Variants in DNAH5 observed in about 807,000 individuals in gnomAD.
DNAH5 encodes axonemal beta dynein heavy chain 5.
In DNAH5, 372 loss-of-function variants were observed where a neutral mutation model predicts 518.2. That is an observed-to-expected ratio of 0.72 (90% CI 0.66 to 0.78). The LOEUF (loss-of-function observed/expected upper bound fraction) is 0.78. Ranked by LOEUF, DNAH5 falls within the 30% of genes least tolerant of loss-of-function variation. The probability of loss-of-function intolerance (pLI) is 0.00; values close to 1 mark genes in which losing one functional copy is unlikely to be tolerated. For missense variants in DNAH5, 5,523 were observed against 5,687.0 expected (o/e 0.97, Z 0.93); for synonymous variants, 2,039 against 2,025.9 (o/e 1.01, Z -0.17).
intron 65 of DNAH5, among the ~76,000 whole-genome samples, chr5:13,739,849 T>A (rs1441365415): frequency 6.6e-6 from 1 of 152,142 alleles, no homozygotes; most frequent in Non-Finnish European, 1.5e-5. Context: ...CTTATCCCCA[T>A]ACTACTCCAT....
intron 47 of DNAH5, among the ~76,000 whole-genome samples, chr5:13,800,417 C>G (rs1032817184): frequency 2.0e-5 from 3 of 152,124 alleles, no homozygotes; most frequent in African/African-American, 7.2e-5. Context: ...AAGTCTGCAC[C>G]CCTTTGGGGT....
At position 13,830,654 on chromosome 5, in the gene DNAH5, C is replaced by T. The variant is rs148279547; in HGVS notation, c.6004G>A (p.Val2002Met). The T allele has an allele frequency of 1.5e-5, 24 of 1,614,088 alleles. No individual in the cohort carries two copies. The highest frequency in any genetic ancestry group is 2.2e-5 in the South Asian group (2 of 91,094). The change falls in exon 36 of 79, where the codon GTG becomes ATG. Residue 2002 changes from valine (V) to methionine (M), a missense_variant. By Grantham distance (21) the Val-to-Met change is conservative. Coordinates refer to ENST00000265104, the MANE Select transcript of DNAH5 (RefSeq NM_001369.3). ...DMGRCLGKYV[V>M]VFNCSDQMDF... is the part of the protein sequence containing the mutation. Reference sequence around the variant, plus strand: ...ATCTGGTCTGAACAATTGAAAACCACGACGTATTTCCCGAGGCATCGTCCC... The same window carrying T: ...ATCTGGTCTGAACAATTGAAAACCATGACGTATTTCCCGAGGCATCGTCCC...
At chr5:13,950,431 C>T (rs1258610454) in intron 1 of DNAH5, among the ~76,000 whole-genome samples, 3 of 152,140 alleles carry the variant, frequency 2.0e-5, no homozygotes, top group Non-Finnish European at 4.4e-5. Context: ...CATGCGCCAC[C>T]ACGCCTGGCT....
rs1763374034 is a variant in DNAH5 at position 13,829,657 on chromosome 5, A to T, written c.6297T>A (p.Ile2099=). 3 of 1,614,240 alleles carry T rather than the reference A, an allele frequency of 1.9e-6. No homozygotes were observed. Residue 2099 remains isoleucine, a synonymous_variant, in exon 38 of 79, where the codon ATT becomes ATA. Transcript: ENST00000265104. ...GRQELPENLK[I]NFRSVAMMVP... The stretch of plus-strand genomic sequence containing the variant: ...CCATCATGGCCACTGAGCGGAAATT[A>T]ATCTTCAAGTTTTCAGGGAGTTCCT...
chr5:13,770,744 C>A lies in DNAH5; in HGVS notation c.9605+5G>T, dbSNP rs753220943. The stretch of plus-strand genomic sequence containing the variant: ...TATAGCTTTGTATAAGAACATCACA[C>A]TTACCTGTTGGCCAGGGTCCGCACC... On this transcript the variant is annotated splice_donor_5th_base_variant and intron_variant, in intron 56 of 78. Transcript: ENST00000265104. 31 of 1,612,172 alleles carry A rather than the reference C, an allele frequency of 1.9e-5. No individual in the cohort carries two copies. In the South Asian group the frequency reaches 3.2e-4, roughly 17 times the overall value.
chr5:13,912,482 C>T (rs1776120538), intron 11 of DNAH5, among the ~76,000 whole-genome samples: 1 of 149,396 alleles, frequency 6.7e-6, no homozygotes, highest in Non-Finnish European at 1.5e-5. Flanking sequence ...AAAATATATA[C>T]ACACACACAC....
At chr5:13,836,147 G>C (rs1764367327) in intron 35 of DNAH5, among the ~76,000 whole-genome samples, 1 of 152,200 alleles carries the variant, frequency 6.6e-6, no homozygotes, top group South Asian at 2.1e-4. Context: ...CCAGCATTCT[G>C]ATAAAATGGA....
At chr5:13,798,883 C>T (rs761837636) in intron 47 of DNAH5, among the ~76,000 whole-genome samples, 19 of 151,990 alleles carry the variant, frequency 1.3e-4, no homozygotes, top group Admixed American at 2.6e-4. Flanking sequence ...TCTCCTGCCT[C>T]AGCCTCCCAG....
chr5:13,886,573 A>G (rs1393384316), intron 17 of DNAH5, among the ~76,000 whole-genome samples: 1 of 152,236 alleles, frequency 6.6e-6, no homozygotes, highest in Non-Finnish European at 1.5e-5. Flanking sequence ...TTTAATAAAT[A>G]TAAACTAACA....
chr5:13,798,042 T>A (rs1210625028), intron 47 of DNAH5, among the ~76,000 whole-genome samples: 1 of 57,078 alleles, frequency 1.8e-5, no homozygotes, highest in South Asian at 6.7e-4. Flanking sequence ...CATCACACAC[T>A]GGGGCCTGTC....
At chr5:13,911,615 C>T in intron 11 of DNAH5, 122 bp from the exon 12 acceptor site, 1 of 818,198 alleles carries the variant, frequency 1.2e-6, no homozygotes, top group South Asian at 1.7e-5. Context: ...TTAAAGGAAG[C>T]CTTATTTTTT....
chr5:13,830,189 C>T lies in DNAH5; in HGVS notation c.6086G>A (p.Gly2029Asp). 1 of 1,613,768 alleles carries T rather than the reference C, an allele frequency of 6.2e-7. No individual in the cohort carries two copies. ...AATACGGTTAAATTCATCAAAACAA[C>T]CCCAGGATCCAGACTGTGCCAGTCC... ...FKGLAQSGSWGCFDEFNRIDL... is the reference protein window; with the variant it reads ...FKGLAQSGSWDCFDEFNRIDL... The change falls in exon 37 of 79, where the codon GGT (glycine) becomes GAT (aspartate). Residue 2029 changes from glycine to aspartate, a missense_variant. Coordinates refer to ENST00000265104, the MANE Select transcript of DNAH5 (RefSeq NM_001369.3).
In DNAH5 at chr5:13,850,427, C is replaced by T. The variant is rs795529; in HGVS notation, c.5114+225G>A. On this transcript the variant is annotated intron_variant, in intron 31 of 78. Coordinates refer to ENST00000265104, the MANE Select transcript of DNAH5 (RefSeq NM_001369.3). The stretch of plus-strand genomic sequence containing the variant: ...TGAGGATGTTTATACAGTCTTATCC[C>T]AGTGATGGAAGCAACCTTAAGTCCT... Among the ~76,000 whole-genome samples, 9,343 of 152,212 alleles carry T rather than the reference C, an allele frequency of 0.061. 306 individuals carry two copies. The highest frequency in any genetic ancestry group is 0.078 in the African/African-American group (3,234 of 41,520).
chr5:13,868,052 C>T (rs963467096), intron 24 of DNAH5, 60 bp from the exon 25 acceptor site: 3 of 1,196,554 alleles, frequency 2.5e-6, no homozygotes, highest in African/African-American at 3.0e-5. Context: ...CTACACACAG[C>T]CATTTATTAA....
rs1277062588 is a variant in DNAH5 at position 13,757,500 on chromosome 5, C to CT, written c.10419+1345dup. On this transcript the variant is annotated intron_variant, in intron 61 of 78. Transcript: ENST00000265104. ...ATATGATTGTTGGCCGCATGTATGTCTTTTTTTGAAAAGTGTCTGTTGTAA... is the reference window on the plus strand; with the variant it reads ...ATATGATTGTTGGCCGCATGTATGTCTTTTTTTTGAAAAGTGTCTGTTGTAA... 2.6e-5 allele frequency among the ~76,000 whole-genome samples: 4 copies of CT among 152,152 alleles called. No homozygotes were observed. The East Asian group carries it at 5.8e-4, about 22-fold the overall frequency.
chr5:13,735,699 C>T, intron 67 of DNAH5, 119 bp downstream of exon 67: 1 of 885,374 alleles, frequency 1.1e-6, no homozygotes, highest in Non-Finnish European at 1.9e-6. Context: ...TTACACTGAT[C>T]TGAGATTTAA....
Position 13,769,162 on chromosome 5 carries a change from C to G in DNAH5, c.9721-26G>C, listed in dbSNP as rs368710494. On this transcript the variant is annotated intron_variant, in intron 57 of 78. Transcript: ENST00000265104. ...CTAATTCAATATAAAGCAAGCAATA[C>G]TTCACCAAACAGTATTAAACATCCA... 12 of 1,610,922 alleles carry G rather than the reference C, an allele frequency of 7.4e-6. No homozygotes were observed. In the African/African-American group the frequency reaches 1.6e-4, roughly 21 times the overall value.
intron 1 of DNAH5, among the ~76,000 whole-genome samples, chr5:13,950,684 C>A (rs975895743): frequency 6.6e-6 from 1 of 152,192 alleles, no homozygotes; most frequent in Non-Finnish European, 1.5e-5. Context: ...ATTTTAGGTG[C>A]AAATCACCAA....
chr5:13,752,408 C>A, intron 63 of DNAH5, 119 bp from the exon 64 acceptor site: 1 of 1,238,142 alleles, frequency 8.1e-7, no homozygotes, highest in Non-Finnish European at 1.2e-6. Context: ...ACAAATTGAG[C>A]ATCCAAAATG....
Sources: gnomAD v4.1 joint callset for allele counts (sites outside exome capture counted in the v4.1 genomes callset) on GRCh38, gnomAD v4.1.1 for gene constraint, MANE v1.5 for transcripts, NCBI Gene and HGNC (gene_info 2026-07-23, HGNC 2026-07-21) for gene names.